Variants in SPATA6L observed in about 807,000 individuals in gnomAD.
The protein encoded by SPATA6L is spermatogenesis associated 6 like.
Under a neutral mutation model 49.2 loss-of-function variants are expected in SPATA6L, and 68 were observed. That is an observed-to-expected ratio of 1.38 (90% CI 1.14 to 1.69). SPATA6L has a LOEUF of 1.69. Among genes scored for constraint, SPATA6L ranks in the 40% most tolerant of loss-of-function variants. SPATA6L has a pLI of 0.00. For missense variants in SPATA6L, 668 were observed against 464.3 expected (o/e 1.44, Z -4.03); for synonymous variants, 198 against 165.7 (o/e 1.19, Z -1.50).
intron 2 of SPATA6L, among the ~76,000 whole-genome samples, chr9:4,659,431 T>G (rs1362733985): frequency 6.6e-6 from 1 of 151,280 alleles, no homozygotes; most frequent in African/African-American, 2.4e-5. Flanking sequence ...TCACAATTGC[T>G]TCAAAGAGAA....
chr9:4,627,558 G>C (rs369505423), intron 5 of SPATA6L: 3 of 368,612 alleles, frequency 8.1e-6, no homozygotes, highest in Admixed American at 4.0e-5. Flanking sequence ...CAAAGTATTT[G>C]GAGAAGCTTC....
chr9:4,625,164 C>T lies in SPATA6L; in HGVS notation c.669+163G>A, dbSNP rs964337293. On this transcript the variant is annotated intron_variant, in intron 6 of 11. Transcript: ENST00000682582. ...TACCTTTCTAGGGGTTTCCTGACAA[C>T]GATCTAGGAAATGAACATAATTTAA... The T allele has an allele frequency of 2.9e-5, 37 of 1,292,144 alleles. 1 individual carries two copies. Among genetic ancestry groups the T allele is most frequent in the African/African-American group, 1.2e-4 (8 of 66,192 alleles). The allele number at this position is 1,292,144 out of a possible 1,614,324, so 80.0% of individuals were successfully genotyped here.
chr9:4,603,699 AAT>A (rs774726439), intron 11 of SPATA6L, among the ~76,000 whole-genome samples: 20 of 152,218 alleles, frequency 1.3e-4, no homozygotes, highest in Admixed American at 5.2e-4. Context: ...CCCAGATAAA[AAT>A]ATAATAAGAA....
At chr9:4,596,641 A>C (rs545304506), downstream of SPATA6L, 3 of 152,226 alleles carry the variant, frequency 2.0e-5, no homozygotes, top group Non-Finnish European at 4.4e-5. Flanking sequence ...ACGAGCAGAA[A>C]GCCTCTCTTG....
Position 4,618,714 on chromosome 9 carries a change from T to A in SPATA6L, c.807+150A>T, listed in dbSNP as rs1204390116. The A allele has an allele frequency of 4.1e-6, 3 of 728,250 alleles. No homozygotes were observed. In the African/African-American group the frequency reaches 5.4e-5, roughly 13 times the overall value. 45.1% of individuals were successfully genotyped at this position (728,250 alleles called of 1,614,324 possible). On this transcript the variant is annotated intron_variant, in intron 8 of 11. Transcript: ENST00000682582. ...CCCCTAAGCAAAGTATAACATGGAG[T>A]CTGGGCACATCTTCATACAAACACT...
intron 9 of SPATA6L, among the ~76,000 whole-genome samples, chr9:4,614,265 T>C (rs974556550): frequency 6.6e-6 from 1 of 152,222 alleles, no homozygotes; most frequent in Non-Finnish European, 1.5e-5. Flanking sequence ...TTGTTCACTC[T>C]TATAATGTGT....
At position 4,640,828 on chromosome 9, in the gene SPATA6L, T is replaced by C. The variant is rs1042436585; in HGVS notation, c.227-5429A>G. Reference sequence around the variant, plus strand: ...ATTATAATCTGAAATTGAGAGATTGTAAATTAAAAAAACAAGTATAACACA... The same window carrying C: ...ATTATAATCTGAAATTGAGAGATTGCAAATTAAAAAAACAAGTATAACACA... On this transcript the variant is annotated intron_variant, in intron 3 of 11. Transcript: ENST00000682582. Among the ~76,000 whole-genome samples the C allele has an allele frequency of 2.0e-5, 3 of 148,542 alleles. No homozygotes were observed. In the East Asian group the frequency reaches 5.9e-4, roughly 29 times the overall value.
intron 1 of SPATA6L, chr9:4,663,032 C>T: frequency 6.2e-7 from 1 of 1,613,838 alleles, no homozygotes; most frequent in Non-Finnish European, 8.5e-7. Context: ...CAAGGGCCGC[C>T]CTGATGTCGA....
chr9:4,595,930 G>C (rs536861509), downstream of SPATA6L, among the ~76,000 whole-genome samples: 40 of 152,326 alleles, frequency 2.6e-4, no homozygotes, highest in Non-Finnish European at 5.1e-4. Context: ...GTGGGCCACA[G>C]AGCCTTTGGC....
At chr9:4,630,577 A>G (rs10974670) in intron 4 of SPATA6L, among the ~76,000 whole-genome samples, 14,032 of 152,106 alleles carry the variant, frequency 0.092, 1,074 homozygotes, top group African/African-American at 0.18. Flanking sequence ...CCCATCTCTC[A>G]ATGTCTGATC....
chr9:4,606,199 C>G (rs1005555045), intron 9 of SPATA6L, among the ~76,000 whole-genome samples: 2 of 150,668 alleles, frequency 1.3e-5, no homozygotes, highest in East Asian at 4.0e-4. Flanking sequence ...GATCAAACTG[C>G]AAGGCGGCAG....
downstream of SPATA6L, among the ~76,000 whole-genome samples, chr9:4,596,163 C>A (rs1161463470): frequency 6.6e-6 from 1 of 152,180 alleles, no homozygotes; most frequent in Non-Finnish European, 1.5e-5. Context: ...AGTATGGAAA[C>A]TTCAAGAGGG....
At chr9:4,606,364 G>T (rs556878676) in intron 9 of SPATA6L, among the ~76,000 whole-genome samples, 1 of 134,734 alleles carries the variant, frequency 7.4e-6, no homozygotes, top group South Asian at 2.5e-4. Flanking sequence ...CAAACAAAAA[G>T]ACAGCAGTAA....
intron 3 of SPATA6L, among the ~76,000 whole-genome samples, chr9:4,641,694 A>G (rs1244864764): frequency 6.6e-6 from 1 of 152,222 alleles, no homozygotes; most frequent in Admixed American, 6.5e-5. Flanking sequence ...ATGCGCGTGC[A>G]TGTGTGGTTA....
At chr9:4,606,211 G>A (rs62543888) in intron 9 of SPATA6L, among the ~76,000 whole-genome samples, 14 of 149,400 alleles carry the variant, frequency 9.4e-5, no homozygotes, top group Non-Finnish European at 1.9e-4. Flanking sequence ...AGGCGGCAGC[G>A]AGGCTGGGGG....
chr9:4,600,958 C>G (rs1823086822), intron 11 of SPATA6L, 149 bp from the exon 12 acceptor site: 1 of 152,206 alleles, frequency 6.6e-6, no homozygotes, highest in Non-Finnish European at 1.5e-5. Context: ...AGCTTTTTCC[C>G]CAGATTCCCA....
At chr9:4,594,416 G>A (rs1233013959), downstream of SPATA6L, among the ~76,000 whole-genome samples, 1 of 152,138 alleles carries the variant, frequency 6.6e-6, no homozygotes. Context: ...GTTTCACCGT[G>A]TTAGCCAGGA....
rs892748323 is a variant in SPATA6L, at chr9:4,606,292, C to T, written c.996-852G>A. Among the ~76,000 whole-genome samples, 6 of 143,820 alleles carry T rather than the reference C, an allele frequency of 4.2e-5. No homozygotes were observed. The South Asian group carries it at 6.9e-4, about 16-fold the overall frequency. The allele number at this position is 143,820 out of a possible 152,430, so 94.4% of individuals were successfully genotyped here. A position where few individuals can be genotyped will look rare whatever the true frequency, so the allele number is the denominator to read the frequency against. On this transcript the variant is annotated intron_variant, in intron 9 of 11. Transcript: ENST00000682582. ...CCGGAAGCTCCAACTGGGTGGAGCCCACCACAGCTCAAGGAGGCCTGCCTG... is the reference window on the plus strand; with the variant it reads ...CCGGAAGCTCCAACTGGGTGGAGCCTACCACAGCTCAAGGAGGCCTGCCTG...
intron 6 of SPATA6L, 86 bp downstream of exon 6, chr9:4,625,238 TTTG>T: frequency 6.7e-7 from 1 of 1,495,678 alleles, no homozygotes; most frequent in Non-Finnish European, 8.9e-7. Context: ...ATATTATTCA[TTTG>T]TTGTTATAAC....
Sources: gnomAD v4.1 joint callset for allele counts (sites outside exome capture counted in the v4.1 genomes callset) on GRCh38, gnomAD v4.1.1 for gene constraint, MANE v1.5 for transcripts, NCBI Gene and HGNC (gene_info 2026-07-23, HGNC 2026-07-21) for gene names.